DPP6: variants seen among roughly 807,000 people sequenced by gnomAD.
DPP6 encodes dipeptidyl peptidase like 6.
In DPP6, 69 loss-of-function variants were observed where a neutral mutation model predicts 122.6. The ratio of observed to expected loss-of-function variants is 0.56; its 90% CI spans 0.46 to 0.69. The LOEUF (loss-of-function observed/expected upper bound fraction) is 0.69. DPP6 is among the 30% of genes least tolerant of loss of function. The pLI is 0.00. For synonymous variants in DPP6, 418 were observed against 433.1 expected, an observed-to-expected ratio of 0.97 and a Z score of 0.43; for missense variants, 928 against 1,116.9, an observed-to-expected ratio of 0.83 and a Z score of 2.41.
At chr7:154,349,186 T>A (rs1000064771) in intron 1 of DPP6, among the ~76,000 whole-genome samples, 2 of 152,220 alleles carry the variant, frequency 1.3e-5, no homozygotes, top group African/African-American at 4.8e-5. Context: ...TGTTTTGTTT[T>A]GTTTTTTGAG....
intron 1 of DPP6, among the ~76,000 whole-genome samples, chr7:154,080,046 G>A (rs1171326063): frequency 6.6e-6 from 1 of 150,968 alleles, no homozygotes; most frequent in Non-Finnish European, 1.5e-5. Flanking sequence ...ACACGAGATA[G>A]CGCAGGCTGG....
chr7:153,944,610 G>A (rs1247564797), intron 1 of DPP6, among the ~76,000 whole-genome samples: 3 of 151,840 alleles, frequency 2.0e-5, no homozygotes, highest in African/African-American at 7.3e-5. Flanking sequence ...CACAACACAC[G>A]GGGCCTTGCA....
intron 1 of DPP6, among the ~76,000 whole-genome samples, chr7:153,943,936 G>T (rs1355718232): frequency 1.3e-5 from 2 of 152,176 alleles, no homozygotes; most frequent in Non-Finnish European, 2.9e-5. Flanking sequence ...AACAAAGGCA[G>T]TTCCAGTGGA....
chr7:154,660,666 C>G (rs558594439), intron 6 of DPP6, among the ~76,000 whole-genome samples: 3 of 129,402 alleles, frequency 2.3e-5, no homozygotes, highest in African/African-American at 3.3e-5. Flanking sequence ...GCGTATTGGC[C>G]GTAGTATTCA....
At chr7:153,953,805 G>C (rs1802331863) in intron 1 of DPP6, among the ~76,000 whole-genome samples, 1 of 152,220 alleles carries the variant, frequency 6.6e-6, no homozygotes, top group Non-Finnish European at 1.5e-5. Flanking sequence ...GGATAGATGA[G>C]TGCATGTGCG....
At chr7:154,162,989 C>T (rs1013202206) in intron 1 of DPP6, among the ~76,000 whole-genome samples, 6 of 144,972 alleles carry the variant, frequency 4.1e-5, no homozygotes, top group African/African-American at 1.6e-4. Flanking sequence ...TCGCTAGGGT[C>T]GAGTGGAAGT....
chr7:153,892,318 AT>A (rs5888534), intron 1 of DPP6, among the ~76,000 whole-genome samples: 23,840 of 148,716 alleles, frequency 0.16, 2,295 homozygotes, highest in Middle Eastern at 0.22. Flanking sequence ...AGCTTCTATT[AT>A]TTTTTTTTTT....
Position 154,241,894 on chromosome 7 carries a change from C to T in DPP6, c.243+188831C>T, listed in dbSNP as rs998453816. On this transcript the variant is annotated intron_variant, in intron 1 of 25. Coordinates refer to ENST00000377770, the MANE Select transcript of DPP6 (RefSeq NM_130797.4). This position sits in a 1 kb window ranked among gnomAD's most constrained non-coding sequence, Gnocchi z 9.0. ...CACCCCTACCCCAACACTCATCCTA[C>T]TTACCTTCCTCTGGCATTCACAGAG... Among the ~76,000 whole-genome samples the T allele has an allele frequency of 6.6e-6, 1 of 152,196 alleles. No homozygotes were observed. Among genetic ancestry groups the T allele is most frequent in the African/African-American group, 2.4e-5 (1 of 41,452 alleles).
intron 7 of DPP6, among the ~76,000 whole-genome samples, chr7:154,708,213 A>C (rs1840942576): frequency 6.6e-6 from 1 of 152,200 alleles, no homozygotes; most frequent in Admixed American, 6.5e-5. Flanking sequence ...TATGTTATTA[A>C]CCTTTTAGCT....
intron 16 of DPP6, among the ~76,000 whole-genome samples, chr7:154,814,081 A>G (rs1027461932): frequency 2.9e-4 from 44 of 151,868 alleles, no homozygotes; most frequent in African/African-American, 1.1e-3. Context: ...GGGTTTTGCA[A>G]TGTTGGTTAG....
At chr7:154,547,497 A>G (rs945904284) in intron 4 of DPP6, among the ~76,000 whole-genome samples, 2 of 152,210 alleles carry the variant, frequency 1.3e-5, no homozygotes, top group African/African-American at 2.4e-5. Flanking sequence ...CAGACAGGAC[A>G]TGGGCCGACC....
chr7:154,263,879 T>G (rs1344487616), intron 1 of DPP6, among the ~76,000 whole-genome samples: 12 of 152,140 alleles, frequency 7.9e-5, no homozygotes, highest in East Asian at 1.9e-4. Flanking sequence ...TTAGTAGATA[T>G]GAGGTTTCGC....
the DPP6 span, among the ~76,000 whole-genome samples, chr7:153,875,315 A>G: frequency 3.9e-5 from 6 of 152,182 alleles, no homozygotes; most frequent in Admixed American, 3.9e-4. Context: ...AAAAACAAAA[A>G]CCTAGGAAAT....
chr7:153,761,575 A>G, the DPP6 span, among the ~76,000 whole-genome samples: 2 of 144,404 alleles, frequency 1.4e-5, no homozygotes, highest in Non-Finnish European at 2.9e-5. Flanking sequence ...ATAGGTAAGT[A>G]TTTATCTCCC....
At chr7:154,471,531 C>G (rs1822275126) in intron 2 of DPP6, among the ~76,000 whole-genome samples, 1 of 152,036 alleles carries the variant, frequency 6.6e-6, no homozygotes, top group African/African-American at 2.4e-5. Flanking sequence ...TCACATCACC[C>G]ATTTGGGGGA....
intron 1 of DPP6, among the ~76,000 whole-genome samples, chr7:154,252,235 T>TGTGTGTGTGTGTGTGTGTGTGC (rs60245069): frequency 5.4e-4 from 81 of 149,446 alleles, no homozygotes; most frequent in African/African-American, 2.0e-3. Flanking sequence ...TGTGTGTGTG[T>TGTGTGTGTGTGTGTGTGTGTGC]GCGCGCATGC....
At chr7:153,920,368 G>T (rs115851111) in intron 1 of DPP6, among the ~76,000 whole-genome samples, 5 of 151,286 alleles carry the variant, frequency 3.3e-5, no homozygotes, top group Admixed American at 2.6e-4. Context: ...AATCTTTTGC[G>T]ATGCTGTGTG....
At position 154,735,091 on chromosome 7, in the gene DPP6, C is replaced by T. The variant is rs192459348; in HGVS notation, c.883+7204C>T. Among the ~76,000 whole-genome samples, 410 of 152,314 alleles carry T rather than the reference C, an allele frequency of 2.7e-3. 7 individuals are homozygous for T. Among genetic ancestry groups the T allele is most frequent in the Non-Finnish European group, 8.7e-4 (59 of 68,032 alleles). On this transcript the variant is annotated intron_variant, in intron 8 of 25. Transcript: ENST00000377770. ...TATCAGTGTTGAAAACTCTGAAGCT[C>T]TATTCACTCATAAAATATTATCTGT... is the stretch of plus-strand genomic sequence containing the variant.
chr7:154,650,353 G>A (rs1170650140), intron 6 of DPP6, among the ~76,000 whole-genome samples: 7 of 151,802 alleles, frequency 4.6e-5, no homozygotes, highest in Admixed American at 4.6e-4. Context: ...GTGGAGAGGA[G>A]GGCAGAGGAG....
Sources: allele counts gnomAD v4.1 joint callset (sites outside exome capture counted in the v4.1 genomes callset), GRCh38; gene constraint gnomAD v4.1.1; non-coding constraint Gnocchi (gnomAD v3.1); transcripts MANE v1.5; gene names NCBI Gene and HGNC (gene_info 2026-07-23, HGNC 2026-07-21).